Variants in CEP128 observed in about 807,000 individuals in gnomAD.
CEP128 encodes the protein centrosomal protein 128, also known as centrosomal protein 128kDa.
A neutral mutation model predicts 156.7 loss-of-function variants in CEP128; 132 were observed. That is an observed-to-expected ratio of 0.84 (90% CI 0.73 to 0.97). The LOEUF is 0.97. Ranked by LOEUF, CEP128 falls within the 50% of genes least tolerant of loss-of-function variation. The pLI, the probability that CEP128 is intolerant of heterozygous loss-of-function variation, is 0.00. For synonymous variants in CEP128, 469 were observed against 448.9 expected (o/e 1.04, Z -0.57); for missense variants, 1,252 against 1,281.9 (o/e 0.98, Z 0.36).
In CEP128 at chr14:80,675,173, T is replaced by A. The variant is rs1395493876; in HGVS notation, c.2806+67902A>T. Among the ~76,000 whole-genome samples the A allele has an allele frequency of 2.0e-5, 3 of 152,064 alleles. No homozygotes were observed. The East Asian group carries it at 5.8e-4, about 29-fold the overall frequency. The stretch of plus-strand genomic sequence containing the variant: ...GTCAAACATATACAAAAGTAGACAA[T>A]ATAATATAAGGCCTTGCTATTCAAA... On this transcript the variant is annotated intron_variant, in intron 19 of 24. Transcript: ENST00000555265.
At chr14:80,541,437 C>T (rs1356270989) in intron 21 of CEP128, among the ~76,000 whole-genome samples, 1 of 92,638 alleles carries the variant, frequency 1.1e-5, no homozygotes, top group Non-Finnish European at 2.0e-5. Context: ...AAGCTAATGA[C>T]TGTGTTAAAA....
chr14:80,948,672 C>T (rs1049671535), intron 2 of CEP128, among the ~76,000 whole-genome samples: 1 of 152,138 alleles, frequency 6.6e-6, no homozygotes, highest in Non-Finnish European at 1.5e-5. Flanking sequence ...AAGTAGTGTT[C>T]TATAGCCATT....
At chr14:80,725,019 G>GATAGATAT (rs1897965641) in intron 19 of CEP128, among the ~76,000 whole-genome samples, 1 of 138,850 alleles carries the variant, frequency 7.2e-6, no homozygotes, top group African/African-American at 2.6e-5. Flanking sequence ...ATACATATAT[G>GATAGATAT]ATATATATAT....
Position 80,626,470 on chromosome 14 carries a change from C to CAA in CEP128, c.2807-46049_2807-46048dup, listed in dbSNP as rs60238276. Among the ~76,000 whole-genome samples, 321 of 80,554 alleles carry CAA rather than the reference C, an allele frequency of 4.0e-3. 8 individuals carry two copies. The highest frequency in any genetic ancestry group is 7.9e-3 in the African/African-American group (140 of 17,730). 52.8% of individuals were successfully genotyped at this position (80,554 alleles called of 152,430 possible). ...TGGGCGACAGAGCGAGACTCCGTCT[C>CAA]AAAAAAAAAAAAAAAAAAAAAAAAA... is the stretch of plus-strand genomic sequence containing the variant. On this transcript the variant is annotated intron_variant, in intron 19 of 24. Coordinates refer to ENST00000555265, the MANE Select transcript of CEP128 (RefSeq NM_152446.5).
intron 20 of CEP128, among the ~76,000 whole-genome samples, chr14:80,570,421 G>A: frequency 6.6e-6 from 1 of 151,952 alleles, no homozygotes; most frequent in East Asian, 1.9e-4. Flanking sequence ...CGGCCCATAT[G>A]TTCTTATTTT....
chr14:80,733,704 ATG>A (rs1483430121), intron 19 of CEP128, among the ~76,000 whole-genome samples: 8 of 152,156 alleles, frequency 5.3e-5, no homozygotes, highest in African/African-American at 1.7e-4. Flanking sequence ...GAATATGTTG[ATG>A]TCCTGTATTT....
rs755957182 is a variant in CEP128 at position 80,743,225 on chromosome 14, T to C, written c.2656A>G (p.Asn886Asp). 6.2e-7 allele frequency: 1 copy of C among 1,613,506 alleles called. No individual in the cohort carries two copies. The highest frequency in any genetic ancestry group is 8.5e-7 in the Non-Finnish European group (1 of 1,179,768). The change falls in exon 19 of 25, where the codon AAC (asparagine) becomes GAC (aspartate). Residue 886 changes from asparagine to aspartate, a missense_variant. Coordinates refer to ENST00000555265, the MANE Select transcript of CEP128 (RefSeq NM_152446.5). ...WLCEELKERENREKNLRHQLM... is the reference protein window; with the variant it reads ...WLCEELKEREDREKNLRHQLM... The stretch of plus-strand genomic sequence containing the variant: ...TGGTGTCGCAGATTTTTCTCTCTGT[T>C]TTCTCTCTCTTTCAGTTCCTCACAG...
At chr14:80,517,818 A>T (rs1888559170) in intron 23 of CEP128, among the ~76,000 whole-genome samples, 2 of 152,116 alleles carry the variant, frequency 1.3e-5, no homozygotes, top group Admixed American at 1.3e-4. Flanking sequence ...ACTAGTGTTC[A>T]GCTTGATTAG....
intron 19 of CEP128, among the ~76,000 whole-genome samples, chr14:80,702,973 T>C (rs1041041206): frequency 2.0e-5 from 3 of 151,612 alleles, no homozygotes; most frequent in Non-Finnish European, 4.4e-5. Flanking sequence ...ATAAAAAGAT[T>C]ATGTATGTAT....
intron 8 of CEP128, among the ~76,000 whole-genome samples, chr14:80,868,877 T>G (rs1384744887): frequency 6.6e-6 from 1 of 151,844 alleles, no homozygotes; most frequent in East Asian, 1.9e-4. Context: ...AAATACACTA[T>G]AAGTCAAAAA....
intron 8 of CEP128, among the ~76,000 whole-genome samples, chr14:80,892,526 C>T (rs1477306164): frequency 6.6e-6 from 1 of 151,650 alleles, no homozygotes; most frequent in Non-Finnish European, 1.5e-5. Flanking sequence ...AAGCTCAGGC[C>T]ACAAAAGCAA....
At chr14:80,834,604 T>G (rs1172271416) in intron 12 of CEP128, among the ~76,000 whole-genome samples, 11 of 152,168 alleles carry the variant, frequency 7.2e-5, no homozygotes, top group Admixed American at 7.2e-4. Context: ...TTCCAAAATT[T>G]TTTTCATACC....
chr14:80,694,765 G>A (rs779319998), intron 19 of CEP128, among the ~76,000 whole-genome samples: 5 of 151,906 alleles, frequency 3.3e-5, no homozygotes, highest in Non-Finnish European at 5.9e-5. Flanking sequence ...AGGGGGCAAG[G>A]GGAAGGGGAG....
chr14:80,859,188 A>C (rs1424441487), intron 9 of CEP128, among the ~76,000 whole-genome samples: 1 of 150,584 alleles, frequency 6.6e-6, no homozygotes, highest in East Asian at 1.9e-4. Context: ...AAAATGTGGC[A>C]CATATACACC....
chr14:80,586,107 T>A (rs1891810735), intron 19 of CEP128, among the ~76,000 whole-genome samples: 2 of 152,162 alleles, frequency 1.3e-5, no homozygotes, highest in South Asian at 4.1e-4. Flanking sequence ...AATCCTAGGG[T>A]TGCTTTTTTT....
chr14:80,846,457 AC>A (rs1227827535), intron 9 of CEP128, among the ~76,000 whole-genome samples: 1 of 96,056 alleles, frequency 1.0e-5, no homozygotes, highest in Non-Finnish European at 2.3e-5. Flanking sequence ...TAAAAGAAGA[AC>A]AAAAGTCATA....
intron 21 of CEP128, among the ~76,000 whole-genome samples, chr14:80,538,972 G>C (rs541838491): frequency 6.6e-6 from 1 of 152,264 alleles, no homozygotes; most frequent in South Asian, 2.1e-4. Context: ...TGAGAGTAGG[G>C]AATATATGTC....
intron 8 of CEP128, 49 bp from the exon 9 acceptor site, chr14:80,862,922 A>T: frequency 5.4e-6 from 7 of 1,301,508 alleles, no homozygotes; most frequent in Non-Finnish European, 7.8e-6. Flanking sequence ...TAGCAAGCAA[A>T]ACAGACTAAA....
chr14:80,830,705 C>A, intron 13 of CEP128: 1 of 181,392 alleles, frequency 5.5e-6, no homozygotes, highest in Non-Finnish European at 1.1e-5. Flanking sequence ...TGCAGAACAA[C>A]TAGAGGTCTG....
Sources: allele counts gnomAD v4.1 joint callset (sites outside exome capture counted in the v4.1 genomes callset), GRCh38; gene constraint gnomAD v4.1.1; transcripts MANE v1.5; gene names NCBI Gene and HGNC (gene_info 2026-07-23, HGNC 2026-07-21).